The following RBFOX1 variants were observed in gnomAD, a reference collection of about 807,000 sequenced individuals.
RBFOX1 encodes the protein RNA binding protein fox-1 homolog 1.
A neutral mutation model predicts 57.7 loss-of-function variants in RBFOX1; 8 were observed. That is an observed-to-expected ratio of 0.14 (90% CI 0.08 to 0.25). The LOEUF (loss-of-function observed/expected upper bound fraction) is 0.25, where lower values mean the gene tolerates loss of function less well. Among genes scored for constraint, RBFOX1 ranks in the 10% least tolerant of loss-of-function variants. The pLI, the probability that RBFOX1 is intolerant of heterozygous loss-of-function variation, is 1.00. For synonymous variants in RBFOX1, 326 were observed against 222.4 expected (o/e 1.47, Z -4.15); for missense variants, 611 against 548.5 (o/e 1.11, Z -1.14).
At chr16:6,805,543 T>TA (rs949776542) in intron 3 of RBFOX1, among the ~76,000 whole-genome samples, 3 of 151,964 alleles carry the variant, frequency 2.0e-5, no homozygotes, top group Non-Finnish European at 2.9e-5. Context: ...AAATAAAAGT[T>TA]AAAAAAATTC....
intron 1 of RBFOX1, among the ~76,000 whole-genome samples, chr16:6,313,000 G>T (rs1412979090): frequency 6.6e-6 from 1 of 152,146 alleles, no homozygotes; most frequent in Non-Finnish European, 1.5e-5. Context: ...AAGAAAGGGT[G>T]ATGGGCTCTT....
At chr16:6,331,610 A>T in intron 2 of RBFOX1, among the ~76,000 whole-genome samples, 1 of 21,744 alleles carries the variant, frequency 4.6e-5, no homozygotes, top group East Asian at 5.7e-4. Flanking sequence ...ATATATGTGT[A>T]TATATATATA....
intron 3 of RBFOX1, among the ~76,000 whole-genome samples, chr16:6,937,435 C>G (rs1341676433): frequency 6.6e-6 from 1 of 152,026 alleles, no homozygotes; most frequent in East Asian, 1.9e-4. Flanking sequence ...GTTGGCCATT[C>G]AGATGTCAAT....
chr16:6,367,406 G>C (rs1374230485), intron 2 of RBFOX1, among the ~76,000 whole-genome samples: 1 of 152,062 alleles, frequency 6.6e-6, no homozygotes, highest in African/African-American at 2.4e-5. Flanking sequence ...GAGTAGCTGG[G>C]ATTACAGGCA....
intron 3 of RBFOX1, among the ~76,000 whole-genome samples, chr16:6,943,906 T>C (rs1299700270): frequency 2.0e-5 from 3 of 152,162 alleles, no homozygotes; most frequent in African/African-American, 7.2e-5. Flanking sequence ...TTTTTTCGTC[T>C]ATAAATTTGT....
chr16:5,555,982 T>C (rs1006823249), intron 2 of RBFOX1, among the ~76,000 whole-genome samples: 1 of 151,920 alleles, frequency 6.6e-6, no homozygotes, highest in African/African-American at 2.4e-5. Flanking sequence ...GGTCATGCCA[T>C]TGCACTCCAG....
chr16:7,208,736 C>G (rs1185379165), intron 4 of RBFOX1, among the ~76,000 whole-genome samples: 12 of 152,076 alleles, frequency 7.9e-5, no homozygotes, highest in Non-Finnish European at 4.4e-5. Flanking sequence ...AATAGAGAGG[C>G]TGAAGCAAGA....
At chr16:6,510,965 C>T (rs957554279) in intron 2 of RBFOX1, among the ~76,000 whole-genome samples, 6 of 152,122 alleles carry the variant, frequency 3.9e-5, no homozygotes, top group Non-Finnish European at 8.8e-5. Context: ...GTGTGTGCTG[C>T]TTCTGTCTCC....
At chr16:7,348,097 C>T (rs2097053290) in intron 4 of RBFOX1, among the ~76,000 whole-genome samples, 1 of 152,218 alleles carries the variant, frequency 6.6e-6, no homozygotes, top group Admixed American at 6.5e-5. Context: ...TGTTTTAAAA[C>T]ATTGTTGCTT....
chr16:7,215,566 T>C (rs753407565), intron 4 of RBFOX1, among the ~76,000 whole-genome samples: 3 of 152,170 alleles, frequency 2.0e-5, no homozygotes, highest in Non-Finnish European at 4.4e-5. Flanking sequence ...GTTTTGTAAG[T>C]ACATTTACTG....
chr16:6,113,035 C>T (rs1004210821), intron 1 of RBFOX1, among the ~76,000 whole-genome samples: 2 of 152,088 alleles, frequency 1.3e-5, no homozygotes, highest in Non-Finnish European at 2.9e-5. Flanking sequence ...TGTAACAAAC[C>T]ATCCTAAAGC....
chr16:6,450,048 T>A (rs2153042374), intron 2 of RBFOX1, among the ~76,000 whole-genome samples: 1 of 152,238 alleles, frequency 6.6e-6, no homozygotes, highest in Non-Finnish European at 1.5e-5. Flanking sequence ...AGCCCATCTT[T>A]AAGGAGATAG....
At chr16:7,381,286 G>C (rs930987184) in intron 4 of RBFOX1, among the ~76,000 whole-genome samples, 1 of 152,146 alleles carries the variant, frequency 6.6e-6, no homozygotes, top group African/African-American at 2.4e-5. Context: ...TGTTGTCCTT[G>C]TTGGCTCATA....
At chr16:7,422,117 A>T (rs2098548508) in intron 4 of RBFOX1, among the ~76,000 whole-genome samples, 1 of 152,104 alleles carries the variant, frequency 6.6e-6, no homozygotes, top group Non-Finnish European at 1.5e-5. Flanking sequence ...CGAGCCTGTG[A>T]TTCTGGGCCA....
At chr16:5,750,343 A>T (rs1351083923) in intron 3 of RBFOX1, among the ~76,000 whole-genome samples, 1 of 152,210 alleles carries the variant, frequency 6.6e-6, no homozygotes, top group Non-Finnish European at 1.5e-5. Flanking sequence ...CAGACTGTCC[A>T]TTCTCAGATG....
chr16:5,364,576 C>A (rs1460282278), intron 1 of RBFOX1, among the ~76,000 whole-genome samples: 3 of 152,192 alleles, frequency 2.0e-5, no homozygotes, highest in African/African-American at 4.8e-5. Flanking sequence ...GATACTTACT[C>A]CATTCTCTAT....
At position 6,921,771 on chromosome 16, in the gene RBFOX1, A is replaced by T. The variant is rs527729562; in HGVS notation, c.-15-130286A>T. Among the ~76,000 whole-genome samples, 17 of 147,666 alleles carry T rather than the reference A, an allele frequency of 1.2e-4. No homozygotes were observed. In the East Asian group the frequency reaches 3.0e-3, roughly 26 times the overall value. ...TATGTGTGTGTGTATATATATGAAG[A>T]TGTATGTTGTATATGCACACACACA... is the stretch of plus-strand genomic sequence containing the variant. On this transcript the variant is annotated intron_variant, in intron 3 of 15. Coordinates refer to ENST00000550418, the MANE Select transcript of RBFOX1 (RefSeq NM_018723.4).
Position 6,506,624 on chromosome 16 carries a change from ATTTTTTTTTTTTTTTTTTTTTT to A in RBFOX1, c.-63-147959_-63-147938del, listed in dbSNP as rs71145238. On this transcript the variant is annotated intron_variant, in intron 2 of 15. Coordinates refer to ENST00000550418, the MANE Select transcript of RBFOX1 (RefSeq NM_018723.4). ...ACGGTAATAACAATCACAGTAGCTAATTTTTTTTTTTTTTTTTTTTTTTTTTTTTTTTTTTTTTTTTGAGATG... is the reference window on the plus strand; with the variant it reads ...ACGGTAATAACAATCACAGTAGCTAATTTTTTTTTTTTTTTTTTTGAGATG... Among the ~76,000 whole-genome samples the A allele has an allele frequency of 1.6e-3, 157 of 98,460 alleles. 9 individuals carry two copies. In the South Asian group the frequency reaches 0.046, roughly 29 times the overall value. 64.6% of individuals were successfully genotyped at this position (98,460 alleles called of 152,430 possible). A position where few individuals can be genotyped will look rare whatever the true frequency, so the allele number is the denominator to read the frequency against.
At chr16:6,886,721 C>G (rs1234026860) in intron 3 of RBFOX1, among the ~76,000 whole-genome samples, 2 of 150,256 alleles carry the variant, frequency 1.3e-5, no homozygotes, top group South Asian at 2.1e-4. Flanking sequence ...CACCACCGCA[C>G]TCCAGCGTGG....
Sources: allele counts gnomAD v4.1 joint callset (sites outside exome capture counted in the v4.1 genomes callset), GRCh38; gene constraint gnomAD v4.1.1; transcripts MANE v1.5; gene names NCBI Gene and HGNC (gene_info 2026-07-23, HGNC 2026-07-21).